The following C2orf74 variants were observed in gnomAD, a reference collection of about 807,000 sequenced individuals.
C2orf74 encodes uncharacterized protein C2orf74.
C2orf74 carries 14 observed loss-of-function variants against 17.9 expected under a neutral mutation model. The observed-to-expected ratio is 0.78, with a 90% confidence interval of 0.52 to 1.22. C2orf74 has a LOEUF of 1.22. Among genes scored for constraint, C2orf74 ranks in the 50% most tolerant of loss-of-function variants. The probability of loss-of-function intolerance (pLI) is 0.00; values close to 1 mark genes in which losing one functional copy is unlikely to be tolerated. For missense variants in C2orf74, 217 were observed against 218.4 expected, an observed-to-expected ratio of 0.99 and a Z score of 0.04; for synonymous variants, 79 against 72.6, an observed-to-expected ratio of 1.09 and a Z score of -0.44.
upstream of C2orf74, among the ~76,000 whole-genome samples, chr2:61,160,877 G>A (rs908214661): frequency 6.6e-6 from 1 of 152,216 alleles, no homozygotes; most frequent in Non-Finnish European, 1.5e-5. Flanking sequence ...GAGCAAGGGT[G>A]TACAAATATC....
At chr2:61,146,009 T>C (rs899974903) in intron 1 of C2orf74, among the ~76,000 whole-genome samples, 1 of 152,228 alleles carries the variant, frequency 6.6e-6, no homozygotes, top group East Asian at 1.9e-4. Context: ...CTGAATAATA[T>C]TTGCATTTTG....
chr2:61,155,399 C>T lies in C2orf74; in HGVS notation c.-121-7443C>T, dbSNP rs527698476. On this transcript the variant is annotated intron_variant, in intron 1 of 3. Transcript: ENST00000426997. ...ATTTTTTTAATCCTCACCTCCACAT[C>T]CCCCCAAAAAGCCAGAATAGTTGTT... is the stretch of plus-strand genomic sequence containing the variant. Among the ~76,000 whole-genome samples the T allele has an allele frequency of 3.3e-5, 5 of 152,230 alleles. No individual in the cohort carries two copies. The South Asian group carries it at 1.0e-3, about 32-fold the overall frequency.
intron 1 of C2orf74, among the ~76,000 whole-genome samples, chr2:61,148,231 A>G (rs138978017): frequency 1.3e-5 from 2 of 149,020 alleles, no homozygotes; most frequent in African/African-American, 2.5e-5. Context: ...TTGTTGCCCA[A>G]GCTGGAGTGC....
chr2:61,151,074 T>A (rs547680841), intron 1 of C2orf74, among the ~76,000 whole-genome samples: 199 of 152,036 alleles, frequency 1.3e-3, no homozygotes, highest in Non-Finnish European at 2.5e-3. Context: ...TCCCAGCACT[T>A]TGGGAGGCCG....
At chr2:61,147,481 T>C (rs1391029205) in intron 1 of C2orf74, among the ~76,000 whole-genome samples, 1 of 152,242 alleles carries the variant, frequency 6.6e-6, no homozygotes, top group Non-Finnish European at 1.5e-5. Flanking sequence ...ACCTTCCTCT[T>C]GCTGCATGTC....
At chr2:61,151,729 A>C (rs1235742647) in intron 1 of C2orf74, 2 of 152,242 alleles carry the variant, frequency 1.3e-5, no homozygotes, top group East Asian at 3.9e-4. Flanking sequence ...GAGAAAAGGC[A>C]AGGAGGAAGC....
intron 1 of C2orf74, among the ~76,000 whole-genome samples, chr2:61,155,735 T>C (rs569773404): frequency 1.3e-5 from 2 of 152,214 alleles, no homozygotes; most frequent in Non-Finnish European, 2.9e-5. Context: ...TTAGCCAGGA[T>C]GGTCTCAATC....
intron 1 of C2orf74, among the ~76,000 whole-genome samples, chr2:61,152,869 A>C (rs1271578029): frequency 1.6e-5 from 2 of 128,814 alleles, no homozygotes; most frequent in African/African-American, 3.1e-5. Context: ...AAAAAAAAAA[A>C]AGCCAGGCGC....
At chr2:61,152,492 G>A (rs1374622641) in intron 1 of C2orf74, among the ~76,000 whole-genome samples, 1 of 150,912 alleles carries the variant, frequency 6.6e-6, no homozygotes. Context: ...AGTGAGCCGA[G>A]ATCATGCCAT....
At chr2:61,163,454 AT>A (rs1181461177) in intron 4 of C2orf74, among the ~76,000 whole-genome samples, 1 of 151,744 alleles carries the variant, frequency 6.6e-6, no homozygotes, top group Non-Finnish European at 1.5e-5. Context: ...AAATACAAAA[AT>A]TAGCTGGGCG....
intron 1 of C2orf74, among the ~76,000 whole-genome samples, chr2:61,152,568 G>T (rs997015189): frequency 6.7e-6 from 1 of 150,294 alleles, no homozygotes; most frequent in Non-Finnish European, 1.5e-5. Context: ...AAAAGCTGGG[G>T]CCGGGCGCAG....
Position 61,163,111 on chromosome 2 carries a change from G to T in C2orf74, c.269G>T (p.Arg90Ile). 1 of 1,552,188 alleles carries T rather than the reference G, an allele frequency of 6.4e-7. No individual in the cohort carries two copies. Among genetic ancestry groups the T allele is most frequent in the Non-Finnish European group, 8.7e-7 (1 of 1,147,086 alleles). Residue 90 changes from arginine (R) to isoleucine (I), a missense_variant, in exon 4 of 5, where the codon AGA becomes ATA. Physicochemically the swap from Arg to Ile is moderately conservative, Grantham distance 97. Coordinates refer to ENST00000432605, the MANE Select transcript of C2orf74 (RefSeq NM_001143959.4). The stretch of plus-strand genomic sequence containing the variant: ...ATGAGGCCTGGCATTCTTGTCCAGA[G>T]ACAGAGTAAGGAAGTGTTGGCCACA... ...VPMRPGILVQ[R>I]QSKEVLATPL...
chr2:61,155,630 C>T (rs982726767), intron 1 of C2orf74, among the ~76,000 whole-genome samples: 1 of 152,020 alleles, frequency 6.6e-6, no homozygotes. Context: ...ACTCTATTCT[C>T]CTGACTCAGC....
At chr2:61,151,887 T>C (rs907023457) in intron 1 of C2orf74, 3 of 152,390 alleles carry the variant, frequency 2.0e-5, no homozygotes, top group African/African-American at 7.2e-5. Context: ...CAACACCAAA[T>C]TGATCTCCAC....
At chr2:61,154,281 A>G (rs1328262061) in intron 1 of C2orf74, among the ~76,000 whole-genome samples, 3 of 152,118 alleles carry the variant, frequency 2.0e-5, no homozygotes, top group South Asian at 2.1e-4. Flanking sequence ...TCAAATTCCA[A>G]TAGTGGATCA....
At chr2:61,157,720 C>T (rs1685433304), upstream of C2orf74, 3 of 376,286 alleles carry the variant, frequency 8.0e-6, no homozygotes, top group Admixed American at 1.0e-4. Context: ...CACATGTTGA[C>T]CCTTGAACTG....
rs181560271 is a variant in C2orf74 at position 61,152,881 on chromosome 2, C to T, written c.-122+7685C>T. Among the ~76,000 whole-genome samples the T allele has an allele frequency of 7.5e-4, 111 of 148,874 alleles. 1 individual carries two copies. The East Asian group carries it at 0.016, about 22-fold the overall frequency. On this transcript the variant is annotated intron_variant, in intron 1 of 3. Transcript: ENST00000426997. ...AAAAAAAAAAAAAAAGCCAGGCGCGCGCGGTGGCTCGCGCCTGTAATCCCA... is the reference window on the plus strand; with the variant it reads ...AAAAAAAAAAAAAAAGCCAGGCGCGTGCGGTGGCTCGCGCCTGTAATCCCA...
In C2orf74 at chr2:61,163,030, ACT is replaced by A. The variant is rs1206041832; in HGVS notation, c.210-19_210-18del. On this transcript the variant is annotated intron_variant, in intron 3 of 4. Transcript: ENST00000432605. ...GGATGAGGATGCATGAATGTTTAAA[ACT>A]CTACCGATTAATTTTCTAGGATCTT... The A allele has an allele frequency of 1.9e-5, 29 of 1,551,962 alleles. No homozygotes were observed. In the East Asian group the frequency reaches 7.1e-4, roughly 38 times the overall value.
upstream of C2orf74, chr2:61,157,908 G>T (rs953331204): frequency 4.2e-6 from 2 of 471,276 alleles, no homozygotes; most frequent in South Asian, 3.1e-5. Context: ...GGTGGTTGGG[G>T]ATTCACGTAT....
Sources: allele counts gnomAD v4.1 joint callset (sites outside exome capture counted in the v4.1 genomes callset), GRCh38; gene constraint gnomAD v4.1.1; transcripts MANE v1.5; gene names NCBI Gene and HGNC (gene_info 2026-07-23, HGNC 2026-07-21).